IL15: variants seen among roughly 807,000 people sequenced by gnomAD.
IL15 encodes the protein interleukin-15.
Under a neutral mutation model 19.6 loss-of-function variants are expected in IL15, and 11 were observed. That is an observed-to-expected ratio of 0.56 (90% confidence interval 0.35 to 0.93). The LOEUF (loss-of-function observed/expected upper bound fraction) is 0.93. IL15 is among the 40% of genes least tolerant of loss of function. The pLI, the probability that IL15 is intolerant of heterozygous loss-of-function variation, is 0.01. For synonymous variants in IL15, 58 were observed against 59.6 expected (o/e 0.97, Z 0.12); for missense variants, 197 against 186.5 (o/e 1.06, Z -0.33).
At chr4:141,720,370 AAC>A (rs1730031419) in intron 3 of IL15, 97 bp from the exon 4 acceptor site, 5 of 649,404 alleles carry the variant, frequency 7.7e-6, no homozygotes, top group Non-Finnish European at 1.4e-5. Flanking sequence ...AATTATGACA[AAC>A]TTACATCTTT....
At chr4:141,730,680 C>G (rs927024874) in intron 7 of IL15, among the ~76,000 whole-genome samples, 22 of 152,224 alleles carry the variant, frequency 1.4e-4, no homozygotes, top group African/African-American at 5.3e-4. Flanking sequence ...AGAGCAAATT[C>G]TAGGTACTCG....
At chr4:141,677,901 G>A (rs958433565) in intron 2 of IL15, among the ~76,000 whole-genome samples, 1 of 152,152 alleles carries the variant, frequency 6.6e-6, no homozygotes, top group Non-Finnish European at 1.5e-5. Context: ...TGTGGGAGAA[G>A]GGGCATAATT....
intron 2 of IL15, among the ~76,000 whole-genome samples, chr4:141,709,788 G>A (rs1330343309): frequency 6.6e-6 from 1 of 151,684 alleles, no homozygotes; most frequent in Non-Finnish European, 1.5e-5. Context: ...TTTTATTTTA[G>A]GTTCAGGGTG....
chr4:141,703,953 T>A (rs1291035079), intron 2 of IL15, among the ~76,000 whole-genome samples: 1 of 152,196 alleles, frequency 6.6e-6, no homozygotes, highest in African/African-American at 2.4e-5. Context: ...TTTTAAAAGT[T>A]TTTTGATGAA....
intron 1 of IL15, among the ~76,000 whole-genome samples, chr4:141,649,980 A>T (rs1727351358): frequency 6.6e-6 from 1 of 152,146 alleles, no homozygotes; most frequent in Non-Finnish European, 1.5e-5. Context: ...GACGATGAGG[A>T]TGCCAGTGTT....
intron 1 of IL15, among the ~76,000 whole-genome samples, chr4:141,642,653 C>G (rs890699053): frequency 1.3e-5 from 2 of 152,326 alleles, no homozygotes; most frequent in East Asian, 3.9e-4. Flanking sequence ...CTGCAGTCAC[C>G]TTGCCTCAGT....
chr4:141,713,778 A>G (rs944889253), intron 2 of IL15, among the ~76,000 whole-genome samples: 6 of 152,196 alleles, frequency 3.9e-5, no homozygotes, highest in African/African-American at 1.4e-4. Flanking sequence ...AAGTCCTATC[A>G]TAAAGAAATG....
At chr4:141,682,419 C>T (rs373454312) in intron 2 of IL15, among the ~76,000 whole-genome samples, 1 of 152,100 alleles carries the variant, frequency 6.6e-6, no homozygotes, top group Non-Finnish European at 1.5e-5. Context: ...GTTACATAAA[C>T]CTTTTGACCA....
At chr4:141,660,719 G>T (rs1275943491) in intron 2 of IL15, among the ~76,000 whole-genome samples, 1 of 152,072 alleles carries the variant, frequency 6.6e-6, no homozygotes, top group East Asian at 1.9e-4. Context: ...CTCTAAAGTA[G>T]GTTCCAACCC....
Position 141,720,452 on chromosome 4 carries a change from A to G in IL15, c.13-17A>G, listed in dbSNP as rs749544100. 27 of 1,317,226 alleles carry G rather than the reference A, an allele frequency of 2.0e-5. No homozygotes were observed. The highest frequency in any genetic ancestry group is 1.9e-5 in the Non-Finnish European group (17 of 915,412). The allele number at this position is 1,317,226 out of a possible 1,614,324, so 81.6% of individuals were successfully genotyped here. On this transcript the variant is annotated splice_polypyrimidine_tract_variant and intron_variant, in intron 3 of 7. Transcript: ENST00000320650. ...AACTAAAAAATTTAACCATTTGTCT[A>G]TGATTATATTTTTCAGAAACCACAT...
At chr4:141,731,268 A>G (rs1730442506) in intron 7 of IL15, among the ~76,000 whole-genome samples, 2 of 152,108 alleles carry the variant, frequency 1.3e-5, no homozygotes. Context: ...TGCGTGTCCC[A>G]TATCTGGAAT....
At chr4:141,732,398 C>G (rs563526881) in intron 7 of IL15, among the ~76,000 whole-genome samples, 1 of 152,252 alleles carries the variant, frequency 6.6e-6, no homozygotes, top group African/African-American at 2.4e-5. Context: ...AGGTAAGGAA[C>G]AGCTCATGAA....
intron 2 of IL15, among the ~76,000 whole-genome samples, chr4:141,688,378 C>A (rs1316969462): frequency 2.0e-5 from 3 of 152,152 alleles, no homozygotes; most frequent in African/African-American, 7.2e-5. Flanking sequence ...ATAACAGCTT[C>A]TCTGGGGATG....
At chr4:141,698,438 A>G (rs1178780531) in intron 2 of IL15, among the ~76,000 whole-genome samples, 3 of 151,356 alleles carry the variant, frequency 2.0e-5, no homozygotes, top group Non-Finnish European at 4.4e-5. Flanking sequence ...GTCTGATAGA[A>G]TTCAGCTGTG....
chr4:141,689,811 C>G (rs1008405994), intron 2 of IL15, among the ~76,000 whole-genome samples: 13 of 151,954 alleles, frequency 8.6e-5, no homozygotes, highest in African/African-American at 3.2e-4. Context: ...GGATCCCACA[C>G]TGGGGCTGCA....
At chr4:141,676,567 A>G (rs1728352601) in intron 2 of IL15, among the ~76,000 whole-genome samples, 1 of 152,218 alleles carries the variant, frequency 6.6e-6, no homozygotes, top group African/African-American at 2.4e-5. Flanking sequence ...CAGTGACATG[A>G]AAGAGAGCCC....
At chr4:141,731,273 T>G (rs1730442793) in intron 7 of IL15, among the ~76,000 whole-genome samples, 1 of 152,148 alleles carries the variant, frequency 6.6e-6, no homozygotes, top group Non-Finnish European at 1.5e-5. Flanking sequence ...GTCCCATATC[T>G]GGAATATGAT....
At chr4:141,650,753 C>G (rs560578008) in intron 1 of IL15, among the ~76,000 whole-genome samples, 59 of 152,104 alleles carry the variant, frequency 3.9e-4, no homozygotes, top group Admixed American at 3.5e-3. Context: ...AGATTTTCAA[C>G]CTGTCATCTT....
At chr4:141,645,031 G>T (rs905002574) in intron 1 of IL15, among the ~76,000 whole-genome samples, 1 of 152,024 alleles carries the variant, frequency 6.6e-6, no homozygotes, top group African/African-American at 2.4e-5. Flanking sequence ...CTTTGCAGTG[G>T]CGTAGCCTGC....
Sources: allele counts gnomAD v4.1 joint callset (sites outside exome capture counted in the v4.1 genomes callset), GRCh38; gene constraint gnomAD v4.1.1; transcripts MANE v1.5; gene names NCBI Gene and HGNC (gene_info 2026-07-23, HGNC 2026-07-21).